The following DRD2 variants were observed in gnomAD, a reference collection of about 807,000 sequenced individuals.
DRD2 encodes the protein dopamine receptor D2, also known as D(2) dopamine receptor.
DRD2 carries 8 observed loss-of-function variants against 38.0 expected under a neutral mutation model. That is an observed-to-expected ratio of 0.21 (90% CI 0.12 to 0.38). The LOEUF (loss-of-function observed/expected upper bound fraction) is 0.38, where lower values mean the gene tolerates loss of function less well. Among genes scored for constraint, DRD2 ranks in the 10% least tolerant of loss-of-function variants. The probability of loss-of-function intolerance (pLI) is 1.00; values close to 1 mark genes in which losing one functional copy is unlikely to be tolerated. For synonymous variants in DRD2, 230 were observed against 238.6 expected (o/e 0.96, Z 0.33); for missense variants, 403 against 607.7 (o/e 0.66, Z 3.54).
At position 113,418,919 on chromosome 11, in the gene DRD2, G is replaced by A. The variant is rs544692282; in HGVS notation, c.286-783C>T. On this transcript the variant is annotated intron_variant, in intron 2 of 7. Transcript: ENST00000362072. ...CCCCCTGCACCCCACATGGCGGGCT[G>A]AGCATCTGGTTTCTAGGGACATTGT... Among the ~76,000 whole-genome samples the A allele has an allele frequency of 2.0e-5, 3 of 152,330 alleles. No homozygotes were observed. In the South Asian group the frequency reaches 6.2e-4, roughly 32 times the overall value.
rs567211637 is a variant in DRD2 at position 113,443,849 on chromosome 11, C to A, written c.-31-19167G>T. 4.5e-4 allele frequency among the ~76,000 whole-genome samples: 69 copies of A among 152,172 alleles called. No individual in the cohort carries two copies. The South Asian group carries it at 4.6e-3, about 10-fold the overall frequency. On this transcript the variant is annotated intron_variant, in intron 1 of 7. Coordinates refer to ENST00000362072, the MANE Select transcript of DRD2 (RefSeq NM_000795.4). Reference sequence around the variant, plus strand: ...AAAACCTAACTAGTTATCTAATATGCAAATGAGATAACTGAAAATTCTTAA... The same window carrying A: ...AAAACCTAACTAGTTATCTAATATGAAAATGAGATAACTGAAAATTCTTAA...
chr11:113,441,041 CAGAG>C (rs1951086345), intron 1 of DRD2, among the ~76,000 whole-genome samples: 1 of 152,210 alleles, frequency 6.6e-6, no homozygotes, highest in South Asian at 2.1e-4. Flanking sequence ...CACAGGTTGA[CAGAG>C]AGAGCTTTGA....
At chr11:113,432,288 T>TTCTCTCTCTCTC (rs56097058) in intron 1 of DRD2, among the ~76,000 whole-genome samples, 23 of 136,370 alleles carry the variant, frequency 1.7e-4, no homozygotes, top group East Asian at 6.7e-4. Context: ...GATCCTCTCT[T>TTCTCTCTCTCTC]TCTCTCTCTC....
chr11:113,460,910 C>T (rs1220502475), intron 1 of DRD2, among the ~76,000 whole-genome samples: 1 of 152,256 alleles, frequency 6.6e-6, no homozygotes, highest in African/African-American at 2.4e-5. Flanking sequence ...GGCCTGAGAA[C>T]AGCTCCTTGG....
chr11:113,455,131 G>A (rs1192847633), intron 1 of DRD2, among the ~76,000 whole-genome samples: 4 of 152,110 alleles, frequency 2.6e-5, no homozygotes, highest in Non-Finnish European at 5.9e-5. Context: ...GATGGATCAC[G>A]AGGTCAGGAG....
intron 1 of DRD2, among the ~76,000 whole-genome samples, chr11:113,451,583 C>T (rs1470266634): frequency 2.0e-5 from 3 of 152,254 alleles, no homozygotes; most frequent in Middle Eastern, 6.8e-3. Flanking sequence ...CCTCTGCTTC[C>T]GGGTTCAAGT....
At chr11:113,457,452 A>G (rs1951278009) in intron 1 of DRD2, among the ~76,000 whole-genome samples, 1 of 152,130 alleles carries the variant, frequency 6.6e-6, no homozygotes, top group Non-Finnish European at 1.5e-5. Flanking sequence ...GAATCTACAA[A>G]GTTTATAGTA....
At chr11:113,426,019 T>C (rs993546231) in intron 1 of DRD2, among the ~76,000 whole-genome samples, 1 of 152,014 alleles carries the variant, frequency 6.6e-6, no homozygotes, top group Non-Finnish European at 1.5e-5. Context: ...AGAAAGTGTA[T>C]GGTGTAGAAG....
At chr11:113,454,440 T>C (rs1261349445) in intron 1 of DRD2, among the ~76,000 whole-genome samples, 2 of 152,130 alleles carry the variant, frequency 1.3e-5, no homozygotes, top group African/African-American at 2.4e-5. Context: ...ACACAGATCA[T>C]AGAAGGCAGA....
intron 5 of DRD2, among the ~76,000 whole-genome samples, chr11:113,414,663 A>G (rs1158960490): frequency 6.6e-6 from 1 of 152,104 alleles, no homozygotes; most frequent in Non-Finnish European, 1.5e-5. Flanking sequence ...GAACACAAGG[A>G]CCTGGTTTTT....
rs528784751 is a variant in DRD2, at chr11:113,422,021, G to T, written c.285+2346C>A. On this transcript the variant is annotated intron_variant, in intron 2 of 7. Coordinates refer to ENST00000362072, the MANE Select transcript of DRD2 (RefSeq NM_000795.4). Reference sequence around the variant, plus strand: ...TACAGATTCCTGGGAACCCCCTATAGCCCATGTATGGATTTGTCCCTACCC... The same window carrying T: ...TACAGATTCCTGGGAACCCCCTATATCCCATGTATGGATTTGTCCCTACCC... Among the ~76,000 whole-genome samples the T allele has an allele frequency of 7.2e-5, 11 of 152,220 alleles. No homozygotes were observed. The South Asian group carries it at 2.3e-3, about 32-fold the overall frequency.
chr11:113,434,821 T>C (rs563811324), intron 1 of DRD2, among the ~76,000 whole-genome samples: 1 of 152,222 alleles, frequency 6.6e-6, no homozygotes, highest in African/African-American at 2.4e-5. Context: ...GCATCCACAG[T>C]GAGTGAGCTG....
intron 3 of DRD2, 25 bp downstream of exon 3, chr11:113,418,002 C>A (rs1283724788): frequency 6.2e-7 from 1 of 1,602,486 alleles, no homozygotes; most frequent in Non-Finnish European, 8.5e-7. Context: ...GCCAGAGCAA[C>A]CTCTTCCACC....
At chr11:113,437,097 C>A in intron 1 of DRD2, among the ~76,000 whole-genome samples, 1 of 152,198 alleles carries the variant, frequency 6.6e-6, no homozygotes, top group East Asian at 1.9e-4. Context: ...GTAAAGCCCA[C>A]TTTAATGACA....
chr11:113,456,197 G>C (rs1346532467), intron 1 of DRD2, among the ~76,000 whole-genome samples: 3 of 152,216 alleles, frequency 2.0e-5, no homozygotes, highest in African/African-American at 4.8e-5. Flanking sequence ...AGCACAGAAA[G>C]ACATTGTATG....
Position 113,412,720 on chromosome 11 carries a change from G to A in DRD2, c.974C>T (p.Pro325Leu). 2 of 1,614,210 alleles carry A rather than the reference G, an allele frequency of 1.2e-6. No homozygotes were observed. Among genetic ancestry groups the A allele is most frequent in the Non-Finnish European group, 1.7e-6 (2 of 1,180,046 alleles). The part of the protein sequence containing the change: ...LHSTPDSPAK[P>L]EKNGHAKDHP... ...GTCTTTGGCATGCCCATTCTTCTCT[G>A]GTTTGGCGGGGCTGTCGGGAGTGCT... Residue 325 changes from proline (P) to leucine (L), a missense_variant, in exon 7 of 8, where the codon CCA (proline) becomes CTA (leucine). This residue lies in a region of DRD2 where 166 missense variants were observed against 178.6 expected (regional missense o/e 0.93). Transcript: ENST00000362072.
chr11:113,418,212 G>T lies in DRD2; in HGVS notation c.286-76C>A. On this transcript the variant is annotated intron_variant, in intron 2 of 7. Transcript: ENST00000362072. ...TAGGTCCTGTAGCCTGGTACTCCTG[G>T]AGCCGATGAGGCCACAGACTCAGGA... is the stretch of plus-strand genomic sequence containing the variant. 3.2e-6 allele frequency: 4 copies of T among 1,236,044 alleles called. 1 individual carries two copies. In the South Asian group the frequency reaches 5.0e-5, roughly 15 times the overall value. 76.6% of individuals were successfully genotyped at this position (1,236,044 alleles called of 1,614,324 possible).
intron 1 of DRD2, among the ~76,000 whole-genome samples, chr11:113,459,333 C>T (rs532257406): frequency 1.3e-5 from 2 of 152,266 alleles, no homozygotes; most frequent in Admixed American, 6.5e-5. Context: ...TTTGTCACCC[C>T]CAATGCAGCT....
intron 4 of DRD2, among the ~76,000 whole-genome samples, chr11:113,415,969 C>T (rs1950821941): frequency 6.6e-6 from 1 of 152,216 alleles, no homozygotes; most frequent in Admixed American, 6.5e-5. Context: ...AGTAAACCAT[C>T]TTTTTAGTCT....
Sources: gnomAD v4.1 joint callset for allele counts (sites outside exome capture counted in the v4.1 genomes callset) on GRCh38, gnomAD v4.1.1 for gene constraint, gnomAD v4.1.1 regional missense constraint, MANE v1.5 for transcripts, NCBI Gene and HGNC (gene_info 2026-07-23, HGNC 2026-07-21) for gene names.